The following PPP2R2B variants were observed in gnomAD, a reference collection of about 807,000 sequenced individuals.
The protein encoded by PPP2R2B is serine/threonine-protein phosphatase 2A 55 kDa regulatory subunit B beta isoform.
In PPP2R2B, 5 loss-of-function variants were observed where a neutral mutation model predicts 46.0. That is an observed-to-expected ratio of 0.11 (90% CI 0.06 to 0.23). The LOEUF is 0.23. PPP2R2B is among the 10% of genes least tolerant of loss of function. The probability of loss-of-function intolerance (pLI) is 1.00; values close to 1 mark genes in which losing one functional copy is unlikely to be tolerated. For missense variants in PPP2R2B, 367 were observed against 575.0 expected (o/e 0.64, Z 3.70); for synonymous variants, 215 against 206.7 (o/e 1.04, Z -0.34).
intron 2 of PPP2R2B, among the ~76,000 whole-genome samples, chr5:146,762,102 T>C (rs917561422): frequency 2.6e-5 from 4 of 152,298 alleles, no homozygotes; most frequent in African/African-American, 9.6e-5. Context: ...TCAAACATAA[T>C]GGAATGATAT....
intron 1 of PPP2R2B, among the ~76,000 whole-genome samples, chr5:146,885,190 G>T (rs1266953357): frequency 6.6e-6 from 1 of 152,164 alleles, no homozygotes; most frequent in African/African-American, 2.4e-5. Context: ...TCTAACAACA[G>T]CCTCTATACA....
intron 1 of PPP2R2B, among the ~76,000 whole-genome samples, chr5:147,011,650 T>C (rs1417027607): frequency 6.6e-6 from 1 of 150,920 alleles, no homozygotes; most frequent in Admixed American, 6.6e-5. Flanking sequence ...ATCCCTGTCT[T>C]GTGCCAGTTT....
intron 2 of PPP2R2B, 140 bp from the exon 3 acceptor site, chr5:146,701,282 GTTTTAAATGCCACCAGAAGTGGCAC>G: frequency 1.2e-6 from 1 of 856,768 alleles, no homozygotes; most frequent in Non-Finnish European, 2.0e-6. Flanking sequence ...TATGTTCTGG[GTTTTAAATGCCACCAGAAGTGGCAC>G]TTGGGAAGTA....
intron 2 of PPP2R2B, among the ~76,000 whole-genome samples, chr5:146,824,390 G>A (rs1758446443): frequency 6.6e-6 from 1 of 152,204 alleles, no homozygotes. Flanking sequence ...GGCAGATACT[G>A]CTGGTAGAGC....
intron 1 of PPP2R2B, among the ~76,000 whole-genome samples, chr5:147,004,675 C>T (rs1754348498): frequency 2.0e-5 from 3 of 152,106 alleles, no homozygotes; most frequent in Admixed American, 2.0e-4. Context: ...GAACGAGTTA[C>T]CCATTTGTTG....
At chr5:146,763,680 A>G (rs1175964179) in intron 2 of PPP2R2B, among the ~76,000 whole-genome samples, 1 of 152,198 alleles carries the variant, frequency 6.6e-6, no homozygotes, top group Non-Finnish European at 1.5e-5. Flanking sequence ...AGCACCTGTC[A>G]TGTGCCACCT....
At chr5:146,640,421 C>A (rs570066919) in intron 6 of PPP2R2B, among the ~76,000 whole-genome samples, 2 of 152,208 alleles carry the variant, frequency 1.3e-5, no homozygotes, top group African/African-American at 4.8e-5. Flanking sequence ...AGAGCCTGTG[C>A]CCCTCAGGAG....
chr5:146,883,701 C>T (rs1248810126), upstream of PPP2R2B, among the ~76,000 whole-genome samples: 2 of 152,188 alleles, frequency 1.3e-5, no homozygotes, highest in Non-Finnish European at 2.9e-5. Context: ...TAGAGAATGA[C>T]CTCTTGAATT....
At chr5:147,051,289 T>C (rs1240539052) in intron 1 of PPP2R2B, among the ~76,000 whole-genome samples, 1 of 152,144 alleles carries the variant, frequency 6.6e-6, no homozygotes, top group East Asian at 1.9e-4. Context: ...AGTTTCCTCA[T>C]CTATAACATG....
At chr5:146,694,668 T>G (rs1779071237) in intron 4 of PPP2R2B, among the ~76,000 whole-genome samples, 1 of 152,144 alleles carries the variant, frequency 6.6e-6, no homozygotes, top group Admixed American at 6.5e-5. Context: ...TATATAGATT[T>G]TGTATTTTCT....
At chr5:146,896,743 A>C (rs1762657441) in intron 1 of PPP2R2B, among the ~76,000 whole-genome samples, 1 of 151,798 alleles carries the variant, frequency 6.6e-6, no homozygotes, top group African/African-American at 2.4e-5. Flanking sequence ...ACACCTACAC[A>C]CATCAAATAA....
intron 1 of PPP2R2B, among the ~76,000 whole-genome samples, chr5:146,954,610 CACTT>C (rs1751790216): frequency 6.6e-6 from 1 of 152,200 alleles, no homozygotes; most frequent in Admixed American, 6.6e-5. Flanking sequence ...TCCACCAAAA[CACTT>C]ACTCAGGTAA....
At chr5:147,009,102 C>T (rs1017162379) in intron 1 of PPP2R2B, among the ~76,000 whole-genome samples, 7 of 152,064 alleles carry the variant, frequency 4.6e-5, no homozygotes, top group African/African-American at 1.7e-4. Flanking sequence ...CTTTTATTAC[C>T]TGCTGGAGAA....
At chr5:146,925,923 T>C (rs77184033) in intron 1 of PPP2R2B, among the ~76,000 whole-genome samples, 2,570 of 152,268 alleles carry the variant, frequency 0.017, 62 homozygotes, top group East Asian at 0.068. Context: ...TTGAACTCTC[T>C]AGTGAAAAAT....
At chr5:146,623,211 C>T (rs1561781145) in intron 7 of PPP2R2B, among the ~76,000 whole-genome samples, 2 of 152,142 alleles carry the variant, frequency 1.3e-5, no homozygotes, top group East Asian at 1.9e-4. Context: ...AAATGCTACG[C>T]GTCAGAACTT....
chr5:146,637,907 C>A (rs763942601), intron 7 of PPP2R2B, among the ~76,000 whole-genome samples: 1 of 152,178 alleles, frequency 6.6e-6, no homozygotes, highest in Admixed American at 6.5e-5. Context: ...TCCAGGCCAC[C>A]CTTCAACGGT....
At chr5:146,975,172 A>AC (rs1752843653) in intron 1 of PPP2R2B, among the ~76,000 whole-genome samples, 1 of 151,854 alleles carries the variant, frequency 6.6e-6, no homozygotes, top group African/African-American at 2.4e-5. Context: ...CATTGCACCG[A>AC]CCCCCAGCCC....
intron 2 of PPP2R2B, among the ~76,000 whole-genome samples, chr5:146,848,399 C>T (rs1760136775): frequency 2.0e-5 from 3 of 152,144 alleles, no homozygotes; most frequent in Admixed American, 2.0e-4. Flanking sequence ...CAGGATAGTA[C>T]ATTACAGTTA....
intron 2 of PPP2R2B, among the ~76,000 whole-genome samples, chr5:146,711,149 T>C (rs998879880): frequency 2.6e-5 from 4 of 152,238 alleles, no homozygotes; most frequent in East Asian, 1.9e-4. Context: ...AGTCTCTTCA[T>C]TGTAAACTTC....
Sources: allele counts gnomAD v4.1 joint callset (sites outside exome capture counted in the v4.1 genomes callset), GRCh38; gene constraint gnomAD v4.1.1; transcripts MANE v1.5; gene names NCBI Gene and HGNC (gene_info 2026-07-23, HGNC 2026-07-21).